MEGF10: variants seen among roughly 807,000 people sequenced by gnomAD.
The protein encoded by MEGF10 is multiple EGF like domains 10, also known as multiple epidermal growth factor-like domains protein 10.
Under a neutral mutation model 147.5 loss-of-function variants are expected in MEGF10, and 86 were observed. The ratio of observed to expected loss-of-function variants is 0.58; its 90% CI spans 0.49 to 0.70. MEGF10 has a LOEUF of 0.70. Ranked by LOEUF, MEGF10 falls within the 30% of genes least tolerant of loss-of-function variation. The probability of loss-of-function intolerance (pLI) is 0.00; values close to 1 mark genes in which losing one functional copy is unlikely to be tolerated. For missense variants in MEGF10, 1,329 were observed against 1,487.3 expected (o/e 0.89, Z 1.75); for synonymous variants, 478 against 525.5 (o/e 0.91, Z 1.24).
At chr5:127,393,810 G>GTTTTTTTTTTT (rs11414651) in intron 5 of MEGF10, among the ~76,000 whole-genome samples, 2 of 147,608 alleles carry the variant, frequency 1.4e-5, no homozygotes, top group Non-Finnish European at 1.5e-5. Context: ...TATCTTCAAA[G>GTTTTTTTTTTT]TTTTTTTTTT....
intron 4 of MEGF10, among the ~76,000 whole-genome samples, chr5:127,359,848 T>A (rs1762411085): frequency 6.6e-6 from 1 of 152,154 alleles, no homozygotes; most frequent in African/African-American, 2.4e-5. Context: ...TATGTACACA[T>A]CTTTGTATGG....
At chr5:127,385,611 T>A (rs542390213) in intron 5 of MEGF10, among the ~76,000 whole-genome samples, 1 of 152,210 alleles carries the variant, frequency 6.6e-6, no homozygotes, top group Admixed American at 6.5e-5. Context: ...GTGTTAGTTA[T>A]TGCAAACAGT....
chr5:127,419,158 T>C lies in MEGF10; in HGVS notation c.1344T>C (p.Tyr448=). Reference sequence around the variant, plus strand: ...CTACCCCATGCCCTCTGGGAACCTATGGGATAAACTGTTCCTCTCGCTGTG... The same window carrying C: ...CTACCCCATGCCCTCTGGGAACCTACGGGATAAACTGTTCCTCTCGCTGTG... The part of the protein sequence containing the change: ...DCSTPCPLGT[Y]GINCSSRCGC... Residue 448 remains tyrosine (Y), a synonymous_variant, in exon 11 of 25, where the codon TAT becomes TAC. Transcript: ENST00000503335. 1 of 1,614,172 alleles carries C rather than the reference T, an allele frequency of 6.2e-7. No individual in the cohort carries two copies. Among genetic ancestry groups the C allele is most frequent in the South Asian group, 1.1e-5 (1 of 91,084 alleles).
intron 15 of MEGF10, 129 bp downstream of exon 15, chr5:127,434,950 G>A: frequency 7.9e-7 from 1 of 1,269,852 alleles, no homozygotes. Flanking sequence ...CTTCTGCTGT[G>A]CTGTGTCTGC....
intron 1 of MEGF10, among the ~76,000 whole-genome samples, chr5:127,305,388 A>C (rs2126722981): frequency 6.6e-6 from 1 of 152,310 alleles, no homozygotes; most frequent in South Asian, 2.1e-4. Context: ...GGGGAGGCTG[A>C]GTAGCAGAGG....
chr5:127,251,361 C>G, the MEGF10 span, among the ~76,000 whole-genome samples: 1 of 151,960 alleles, frequency 6.6e-6, no homozygotes, highest in East Asian at 1.9e-4. Context: ...CTTGAAGTTA[C>G]TTAAACTCTT....
chr5:127,431,866 ATAAATTCCAGG>A (rs1321509699), intron 13 of MEGF10, among the ~76,000 whole-genome samples: 2 of 152,208 alleles, frequency 1.3e-5, no homozygotes, highest in African/African-American at 2.4e-5. Flanking sequence ...AGGTGTGGAT[ATAAATTCCAGG>A]TAAGATTCTG....
the MEGF10 span, among the ~76,000 whole-genome samples, chr5:127,247,377 GAA>G: frequency 8.7e-5 from 1 of 11,438 alleles, no homozygotes; most frequent in Non-Finnish European, 1.7e-4. Flanking sequence ...AGAAGAAGAA[GAA>G]GAAGAAGAAG....
chr5:127,243,947 A>G, the MEGF10 span, among the ~76,000 whole-genome samples: 1 of 152,130 alleles, frequency 6.6e-6, no homozygotes, highest in Non-Finnish European at 1.5e-5. Flanking sequence ...CTGTAATCTC[A>G]GCGGTTTGGG....
chr5:127,398,865 A>T, intron 7 of MEGF10, 69 bp downstream of exon 7: 1 of 1,597,046 alleles, frequency 6.3e-7, no homozygotes, highest in Middle Eastern at 2.1e-4. Context: ...CAGTGCATAC[A>T]CATGCAGGAG....
At chr5:127,326,424 G>A (rs1431093597) in intron 1 of MEGF10, among the ~76,000 whole-genome samples, 1 of 152,136 alleles carries the variant, frequency 6.6e-6, no homozygotes, top group East Asian at 1.9e-4. Context: ...AGAATAACTA[G>A]CCTTGCTCAG....
the MEGF10 span, among the ~76,000 whole-genome samples, chr5:127,240,116 T>C: frequency 6.6e-6 from 1 of 152,148 alleles, no homozygotes; most frequent in African/African-American, 2.4e-5. Context: ...AGGGCAGTTT[T>C]AGGTCTCTTA....
In MEGF10 at chr5:127,314,414, T is replaced by C. The variant is rs79930819; in HGVS notation, c.-18-16877T>C. On this transcript the variant is annotated intron_variant, in intron 1 of 24. Coordinates refer to ENST00000503335, the MANE Select transcript of MEGF10 (RefSeq NM_001256545.2). ...CAACAGTCTAGTTGAAGAGGTGGGATTGGTTATGTCAAAAGATGACCAGCA... is the reference window on the plus strand; with the variant it reads ...CAACAGTCTAGTTGAAGAGGTGGGACTGGTTATGTCAAAAGATGACCAGCA... Among the ~76,000 whole-genome samples, 641 of 152,226 alleles carry C rather than the reference T, an allele frequency of 4.2e-3. 3 individuals carry two copies. Among genetic ancestry groups the C allele is most frequent in the African/African-American group, 0.015 (624 of 41,522 alleles).
At chr5:127,254,389 A>C in the MEGF10 span, among the ~76,000 whole-genome samples, 2 of 152,174 alleles carry the variant, frequency 1.3e-5, no homozygotes, top group African/African-American at 4.8e-5. Flanking sequence ...ATTTCCTTTT[A>C]TAATAGAAAT....
At chr5:127,322,662 G>A (rs1760834433) in intron 1 of MEGF10, among the ~76,000 whole-genome samples, 1 of 152,160 alleles carries the variant, frequency 6.6e-6, no homozygotes, top group African/African-American at 2.4e-5. Context: ...ACAAATGTTT[G>A]TTCATTGGCA....
chr5:127,368,504 C>A (rs1268179597), intron 4 of MEGF10, among the ~76,000 whole-genome samples: 2 of 152,180 alleles, frequency 1.3e-5, no homozygotes, highest in African/African-American at 2.4e-5. Context: ...CTAGCGAATT[C>A]TCACAATAAA....
At chr5:127,403,059 A>G (rs1441634593) in intron 8 of MEGF10, among the ~76,000 whole-genome samples, 1 of 152,164 alleles carries the variant, frequency 6.6e-6, no homozygotes, top group Non-Finnish European at 1.5e-5. Flanking sequence ...TCAAAAGTAT[A>G]AAGTTACTTT....
chr5:127,300,484 C>A (rs985790271), intron 1 of MEGF10, among the ~76,000 whole-genome samples: 1 of 152,112 alleles, frequency 6.6e-6, no homozygotes, highest in Admixed American at 6.5e-5. Flanking sequence ...GAATAAGGGT[C>A]CTGCCCAACA....
intron 13 of MEGF10, 90 bp downstream of exon 13, chr5:127,422,862 G>C (rs1765070990): frequency 1.1e-6 from 1 of 933,418 alleles, no homozygotes; most frequent in African/African-American, 1.7e-5. Flanking sequence ...ACACACACCA[G>C]TCAACTTTTC....
Sources: allele counts gnomAD v4.1 joint callset (sites outside exome capture counted in the v4.1 genomes callset), GRCh38; gene constraint gnomAD v4.1.1; transcripts MANE v1.5; gene names NCBI Gene and HGNC (gene_info 2026-07-23, HGNC 2026-07-21).